Variants in DPH6 observed in about 807,000 individuals in gnomAD.
DPH6 encodes diphthamine biosynthesis 6.
In DPH6, 33 loss-of-function variants were observed where a neutral mutation model predicts 38.2. That is an observed-to-expected ratio of 0.86 (90% CI 0.65 to 1.15). The LOEUF (loss-of-function observed/expected upper bound fraction) is 1.15, where lower values mean the gene tolerates loss of function less well. Ranked by LOEUF, DPH6 falls within the 50% of genes most tolerant of loss-of-function variation. DPH6 has a pLI of 0.00. For synonymous variants in DPH6, 108 were observed against 103.0 expected, an observed-to-expected ratio of 1.05 and a Z score of -0.30; for missense variants, 325 against 320.0, an observed-to-expected ratio of 1.02 and a Z score of -0.12.
chr15:35,484,533 C>T (rs1303980891), intron 3 of DPH6, among the ~76,000 whole-genome samples: 1 of 152,222 alleles, frequency 6.6e-6, no homozygotes, highest in East Asian at 1.9e-4. Context: ...TGCTCAGTGG[C>T]AGTTAGCCAG....
chr15:35,322,919 T>C (rs775167285), intron 3 of DPH6, among the ~76,000 whole-genome samples: 2 of 152,098 alleles, frequency 1.3e-5, no homozygotes, highest in Non-Finnish European at 2.9e-5. Flanking sequence ...ATCATGTTTA[T>C]CTCAGGTTAT....
At chr15:35,501,207 T>TA (rs371837001) in intron 3 of DPH6, among the ~76,000 whole-genome samples, 7 of 152,306 alleles carry the variant, frequency 4.6e-5, no homozygotes, top group African/African-American at 1.7e-4. Context: ...TCAGTAATAA[T>TA]AAGATACAGA....
At chr15:35,514,301 G>A (rs192318355) in intron 3 of DPH6, among the ~76,000 whole-genome samples, 2 of 152,138 alleles carry the variant, frequency 1.3e-5, no homozygotes, top group Admixed American at 6.5e-5. Flanking sequence ...TAGCATAAAG[G>A]AGCCATTTAA....
rs765558502 is a variant in DPH6 at position 35,381,846 on chromosome 15, G to A, written c.638C>T (p.Pro213Leu). The change falls in exon 7 of 9, where the codon CCT (proline) becomes CTT (leucine). Residue 213 changes from proline (P) to leucine (L), a missense_variant. Transcript: ENST00000256538. ...CACAATTATTTTCTTCTTAAATAGA[G>A]GGCAATCCAAAGTGAAAGTTTCATA... Reference protein sequence around the residue: ...GEYETFTLDCPLFKKKIIVDS... With the variant: ...GEYETFTLDCLLFKKKIIVDS... 1 of 1,612,754 alleles carries A rather than the reference G, an allele frequency of 6.2e-7. No individual in the cohort carries two copies. The highest frequency in any genetic ancestry group is 8.5e-7 in the Non-Finnish European group (1 of 1,178,950).
At chr15:35,402,122 T>C (rs1459067420) in intron 6 of DPH6, among the ~76,000 whole-genome samples, 2 of 152,222 alleles carry the variant, frequency 1.3e-5, no homozygotes, top group Admixed American at 6.5e-5. Context: ...ACGTGTTGTG[T>C]AGTTAGTCTA....
chr15:35,366,228 T>TTGTGTGTGTGTGTG (rs10525441), downstream of DPH6, among the ~76,000 whole-genome samples: 726 of 144,370 alleles, frequency 5.0e-3, 4 homozygotes, highest in African/African-American at 0.011. Context: ...TTTAGTCATC[T>TTGTGTGTGTGTGTG]TGTGTGTGTG....
At chr15:35,334,632 A>G (rs1032380762) in intron 3 of DPH6, among the ~76,000 whole-genome samples, 1 of 151,744 alleles carries the variant, frequency 6.6e-6, no homozygotes, top group East Asian at 1.9e-4. Context: ...TTCAGCTCCC[A>G]CTTACAAATA....
At chr15:35,362,909 G>A (rs147094446) in intron 3 of DPH6, among the ~76,000 whole-genome samples, 1 of 151,968 alleles carries the variant, frequency 6.6e-6, no homozygotes, top group East Asian at 1.9e-4. Flanking sequence ...GGGGAAATAG[G>A]GTTGGTCACT....
At chr15:35,248,332 T>C (rs949977016) in intron 3 of DPH6, among the ~76,000 whole-genome samples, 6 of 152,170 alleles carry the variant, frequency 3.9e-5, no homozygotes, top group African/African-American at 1.4e-4. Context: ...CCCCCACCTT[T>C]CTAAGAACTG....
At position 35,309,423 on chromosome 15, in the gene DPH6, C is replaced by T. The variant is rs1385512282; in HGVS notation, n.200+64098G>A. Among the ~76,000 whole-genome samples, 6 of 152,234 alleles carry T rather than the reference C, an allele frequency of 3.9e-5. No individual in the cohort carries two copies. The South Asian group carries it at 1.2e-3, about 32-fold the overall frequency. On this transcript the variant is annotated intron_variant and non_coding_transcript_variant, in intron 3 of 3. Coordinates refer to the DPH6 transcript ENST00000560386. ...GGTAGAATGACTGATTGTGGCAATG[C>T]ATAAATTAGAAAAGACAGCATAAAA... is the stretch of plus-strand genomic sequence containing the variant.
At chr15:35,294,379 T>G (rs2052000534) in intron 3 of DPH6, among the ~76,000 whole-genome samples, 1 of 152,196 alleles carries the variant, frequency 6.6e-6, no homozygotes, top group Non-Finnish European at 1.5e-5. Context: ...GCTATTAATA[T>G]AGTCTTTAAA....
chr15:35,200,417 C>G, the DPH6 span, among the ~76,000 whole-genome samples: 2 of 151,950 alleles, frequency 1.3e-5, no homozygotes, highest in Non-Finnish European at 1.5e-5. Flanking sequence ...CATTGAAACT[C>G]CTTTGTTGGA....
chr15:35,263,789 C>T (rs913487037), intron 3 of DPH6, among the ~76,000 whole-genome samples: 2 of 151,732 alleles, frequency 1.3e-5, no homozygotes, highest in South Asian at 4.2e-4. Context: ...TCTGCTCACT[C>T]CAAGCTCAGC....
At chr15:35,381,787 T>C (rs766496936) in intron 7 of DPH6, 35 bp downstream of exon 7, 16 of 1,560,044 alleles carry the variant, frequency 1.0e-5, no homozygotes, top group African/African-American at 1.4e-5. Context: ...CTTAAATTTA[T>C]GGGAAAAAAA....
At chr15:35,531,997 G>C (rs1194062239) in intron 3 of DPH6, among the ~76,000 whole-genome samples, 1 of 152,150 alleles carries the variant, frequency 6.6e-6, no homozygotes, top group African/African-American at 2.4e-5. Flanking sequence ...CCATGGAACA[G>C]AAAGGAGGAA....
chr15:35,474,875 A>G (rs151120126), intron 3 of DPH6, among the ~76,000 whole-genome samples: 1,562 of 152,168 alleles, frequency 0.01, 23 homozygotes, highest in African/African-American at 0.036. Flanking sequence ...GCTACCTGCA[A>G]AGTATCACAT....
intron 3 of DPH6, among the ~76,000 whole-genome samples, chr15:35,511,734 T>C (rs2054775639): frequency 6.6e-6 from 1 of 151,830 alleles, no homozygotes; most frequent in Non-Finnish European, 1.5e-5. Context: ...GAAGGAAATA[T>C]TCCCTAACTG....
At chr15:35,462,468 T>A (rs906674360) in intron 3 of DPH6, among the ~76,000 whole-genome samples, 8 of 152,214 alleles carry the variant, frequency 5.3e-5, no homozygotes, top group Non-Finnish European at 1.2e-4. Context: ...ACTCCACTGA[T>A]GCACACTGCA....
the DPH6 span, among the ~76,000 whole-genome samples, chr15:35,161,073 T>C: frequency 1.3e-5 from 2 of 151,920 alleles, no homozygotes; most frequent in Non-Finnish European, 1.5e-5. Context: ...CACACCAACA[T>C]GGCACATGTA....
Sources: allele counts gnomAD v4.1 joint callset (sites outside exome capture counted in the v4.1 genomes callset), GRCh38; gene constraint gnomAD v4.1.1; transcripts MANE v1.5; gene names NCBI Gene and HGNC (gene_info 2026-07-23, HGNC 2026-07-21).